PPARG: variants seen among roughly 807,000 people sequenced by gnomAD.
PPARG encodes peroxisome proliferator-activated receptor gamma.
PPARG carries 17 observed loss-of-function variants against 39.2 expected under a neutral mutation model. The observed-to-expected ratio is 0.43, with a 90% CI of 0.30 to 0.65. The LOEUF is 0.65. PPARG is among the 30% of genes least tolerant of loss of function. The pLI, the probability that PPARG is intolerant of heterozygous loss-of-function variation, is 0.13. For missense variants in PPARG, 406 were observed against 585.9 expected (o/e 0.69, Z 3.17); for synonymous variants, 223 against 215.7 (o/e 1.03, Z -0.30).
chr3:12,361,028 G>A (rs1014397134), intron 2 of PPARG, among the ~76,000 whole-genome samples: 1 of 152,156 alleles, frequency 6.6e-6, no homozygotes, highest in African/African-American at 2.4e-5. Context: ...TACTAGAAGT[G>A]CATGAGTGTT....
intron 5 of PPARG, among the ~76,000 whole-genome samples, chr3:12,397,378 T>A (rs2050301582): frequency 7.6e-6 from 1 of 132,116 alleles, no homozygotes; most frequent in Non-Finnish European, 1.6e-5. Flanking sequence ...CCTATTCCTT[T>A]TTATTATTAT....
chr3:12,417,901 C>CTTTTTTTTTTTTTTTTTTTTT (rs1559533744), intron 7 of PPARG, among the ~76,000 whole-genome samples: 1 of 46,152 alleles, frequency 2.2e-5, no homozygotes, highest in Non-Finnish European at 4.1e-5. Context: ...TTTTTTTTTT[C>CTTTTTTTTTTTTTTTTTTTTT]CTTTTTTTTT....
At chr3:12,292,868 A>T (rs1160318051) in intron 1 of PPARG, among the ~76,000 whole-genome samples, 4 of 152,150 alleles carry the variant, frequency 2.6e-5, no homozygotes, top group Non-Finnish European at 4.4e-5. Context: ...TGGGCCCCAA[A>T]CTGCACACTG....
intron 1 of PPARG, among the ~76,000 whole-genome samples, chr3:12,302,664 C>T (rs756562980): frequency 6.6e-5 from 10 of 151,990 alleles, no homozygotes; most frequent in Admixed American, 2.0e-4. Context: ...GTGGAGAGTG[C>T]GTGGATGTGA....
rs376892111 is a variant in PPARG at position 12,340,066 on chromosome 3, A to G, written c.-9+27613A>G. Among the ~76,000 whole-genome samples, 3 of 152,306 alleles carry G rather than the reference A, an allele frequency of 2.0e-5. No homozygotes were observed. The East Asian group carries it at 5.8e-4, about 29-fold the overall frequency. On this transcript the variant is annotated intron_variant, in intron 2 of 7. Transcript: ENST00000651735. ...AACTCTCTTATGGAAGCTCTCCCAT[A>G]GATAACAATATACTTCCCCTTCAGG...
chr3:12,373,511 G>A (rs1328255742), intron 2 of PPARG, among the ~76,000 whole-genome samples: 1 of 152,166 alleles, frequency 6.6e-6, no homozygotes, highest in Non-Finnish European at 1.5e-5. Flanking sequence ...TATTGATAAT[G>A]TTGAAGATTA....
At chr3:12,377,699 A>C (rs1391823812) in intron 2 of PPARG, among the ~76,000 whole-genome samples, 1 of 152,158 alleles carries the variant, frequency 6.6e-6, no homozygotes, top group African/African-American at 2.4e-5. Flanking sequence ...TCTAATTTCA[A>C]GAGAGTAAAA....
chr3:12,382,774 A>T (rs2049726972), intron 4 of PPARG, among the ~76,000 whole-genome samples: 1 of 152,156 alleles, frequency 6.6e-6, no homozygotes, highest in Non-Finnish European at 1.5e-5. Context: ...GTTCAAGACC[A>T]GTCTGGGCAG....
chr3:12,430,449 CCAGA>C (rs1224897662), intron 7 of PPARG, among the ~76,000 whole-genome samples: 1 of 152,214 alleles, frequency 6.6e-6, no homozygotes, highest in Non-Finnish European at 1.5e-5. Flanking sequence ...GCCTTTGGAA[CCAGA>C]CAGACTTAGA....
intron 2 of PPARG, chr3:12,351,757 G>A: frequency 9.0e-7 from 1 of 1,109,464 alleles, no homozygotes; most frequent in South Asian, 1.3e-5. Context: ...TTGTCTTCCA[G>A]GTTGTGTTTG....
Position 12,379,812 on chromosome 3 carries a change from C to G in PPARG, c.101C>G (p.Pro34Arg). 6.2e-7 allele frequency: 1 copy of G among 1,613,994 alleles called. No homozygotes were observed. The highest frequency in any genetic ancestry group is 8.5e-7 in the Non-Finnish European group (1 of 1,179,918). The change falls in exon 3 of 8, where the codon CCC (proline) becomes CGC (arginine). Residue 34 changes from proline to arginine, a missense_variant. By Grantham distance (103) the Pro-to-Arg change is moderately radical (BLOSUM62 -2). This residue lies in a region of PPARG where 131 missense variants were observed against 127.9 expected (regional missense o/e 1.02). Coordinates refer to ENST00000651735, the MANE Select transcript of PPARG (RefSeq NM_138711.6). Reference protein sequence around the residue: ...EDHSHSFDIKPFTTVDFSSIS... With the variant: ...EDHSHSFDIKRFTTVDFSSIS... ...CACTCCCACTCCTTTGATATCAAGC[C>G]CTTCACTACTGTTGACTTCTCCAGC...
intron 2 of PPARG, among the ~76,000 whole-genome samples, chr3:12,315,670 T>C (rs2047369732): frequency 6.6e-6 from 1 of 152,154 alleles, no homozygotes; most frequent in Non-Finnish European, 1.5e-5. Context: ...TTCTAATCCT[T>C]CTCATACACA....
At chr3:12,356,127 A>G (rs933756624) in intron 2 of PPARG, among the ~76,000 whole-genome samples, 1 of 152,246 alleles carries the variant, frequency 6.6e-6, no homozygotes, top group Non-Finnish European at 1.5e-5. Context: ...TAAATGCTTC[A>G]TATCCATCTA....
intron 2 of PPARG, among the ~76,000 whole-genome samples, chr3:12,375,245 G>GGAGAGAGA (rs141166078): frequency 1.4e-5 from 2 of 147,922 alleles, no homozygotes; most frequent in African/African-American, 5.0e-5. Flanking sequence ...TGGGGAGGTG[G>GGAGAGAGA]GAGAGAGAGA....
intron 1 of PPARG, among the ~76,000 whole-genome samples, chr3:12,297,578 T>C (rs1321394712): frequency 1.3e-5 from 2 of 152,190 alleles, no homozygotes; most frequent in Non-Finnish European, 2.9e-5. Flanking sequence ...CTAAATTTTA[T>C]TTCACATATT....
chr3:12,313,884 A>G lies in PPARG; in HGVS notation c.-9+1431A>G, dbSNP rs80338562. Among the ~76,000 whole-genome samples the G allele has an allele frequency of 2.1e-3, 316 of 152,370 alleles. 1 individual carries two copies. Among genetic ancestry groups the G allele is most frequent in the African/African-American group, 6.8e-3 (284 of 41,590 alleles). ...TGGGGGGAGAAGAACTCTTTCTTGT[A>G]GAAGACTTTAATAAATGTAAAAGGA... On this transcript the variant is annotated intron_variant, in intron 2 of 7. Transcript: ENST00000651735.
chr3:12,384,015 C>T (rs1210476152), intron 4 of PPARG, among the ~76,000 whole-genome samples: 1 of 152,058 alleles, frequency 6.6e-6, no homozygotes, highest in African/African-American at 2.4e-5. Context: ...GTATTGTATA[C>T]TAACCTGCAG....
rs549423502 is a variant in PPARG at position 12,303,047 on chromosome 3, ATAT to A, written c.-82-9326_-82-9324del. ...TTGAGGGTAAGTCTTTAAAACTTTAATATTATTATGATATTCAAGCGCATGATT... is the reference window on the plus strand; with the variant it reads ...TTGAGGGTAAGTCTTTAAAACTTTAATATTATGATATTCAAGCGCATGATT... On this transcript the variant is annotated intron_variant, in intron 1 of 7. Transcript: ENST00000651735. 3.0e-4 allele frequency among the ~76,000 whole-genome samples: 45 copies of A among 152,264 alleles called. No homozygotes were observed. In the East Asian group the frequency reaches 7.7e-3, roughly 26 times the overall value.
intron 2 of PPARG, among the ~76,000 whole-genome samples, chr3:12,324,607 C>T (rs1250069409): frequency 6.6e-6 from 1 of 152,072 alleles, no homozygotes; most frequent in Admixed American, 6.5e-5. Context: ...CTTTTAGGAC[C>T]ATTCTATAAT....
Sources: gnomAD v4.1 joint callset for allele counts (sites outside exome capture counted in the v4.1 genomes callset) on GRCh38, gnomAD v4.1.1 for gene constraint, gnomAD v4.1.1 regional missense constraint, MANE v1.5 for transcripts, NCBI Gene and HGNC (gene_info 2026-07-23, HGNC 2026-07-21) for gene names.